BUD13: variants seen among roughly 807,000 people sequenced by gnomAD.
BUD13 encodes the protein BUD13 homolog.
In BUD13, 47 loss-of-function variants were observed where a neutral mutation model predicts 62.5. That is an observed-to-expected ratio of 0.75 (90% CI 0.60 to 0.96). BUD13 has a LOEUF of 0.96. Among genes scored for constraint, BUD13 ranks in the 40% least tolerant of loss-of-function variants. BUD13 has a pLI of 0.00. For missense variants in BUD13, 821 were observed against 790.9 expected (o/e 1.04, Z -0.46); for synonymous variants, 293 against 280.1 (o/e 1.05, Z -0.46).
At position 116,753,022 on chromosome 11, in the gene BUD13, C is replaced by T. The variant is rs1053258602; in HGVS notation, c.1766+4124G>A. Reference sequence around the variant, plus strand: ...AGATTCTAGACATTGCAGAGTAACCCGAACAGACTAACCTATCCTCAGTTA... The same window carrying T: ...AGATTCTAGACATTGCAGAGTAACCTGAACAGACTAACCTATCCTCAGTTA... On this transcript the variant is annotated intron_variant, in intron 9 of 9. Transcript: ENST00000260210. Among the ~76,000 whole-genome samples the T allele has an allele frequency of 7.9e-5, 12 of 152,132 alleles. No homozygotes were observed. The South Asian group carries it at 1.5e-3, about 18-fold the overall frequency.
At chr11:116,758,175 G>A in intron 7 of BUD13, 94 bp downstream of exon 7, 2 of 1,546,778 alleles carry the variant, frequency 1.3e-6, no homozygotes, top group Middle Eastern at 1.7e-4. Flanking sequence ...TAACAGCTCT[G>A]AAGGCATAAT....
At chr11:116,766,223 G>C (rs1940527855) in intron 2 of BUD13, among the ~76,000 whole-genome samples, 1 of 152,182 alleles carries the variant, frequency 6.6e-6, no homozygotes, top group Admixed American at 6.5e-5. Context: ...ATAAATCCTA[G>C]TTACAGAGTA....
intron 6 of BUD13, 60 bp downstream of exon 6, chr11:116,759,013 TA>T: frequency 8.7e-7 from 1 of 1,155,896 alleles, no homozygotes. Flanking sequence ...TACAATAAGC[TA>T]AATTAAAAAA....
Position 116,757,814 on chromosome 11 carries a change from C to A in BUD13, c.1636G>T (p.Ala546Ser). 1 of 1,614,030 alleles carries A rather than the reference C, an allele frequency of 6.2e-7. No homozygotes were observed. Among genetic ancestry groups the A allele is most frequent in the Non-Finnish European group, 8.5e-7 (1 of 1,179,982 alleles). ...REQEREGDPMANFIKKNKAKE... is the reference protein window; with the variant it reads ...REQEREGDPMSNFIKKNKAKE... ...GCCTTATTCTTCTTGATGAAGTTGG[C>A]CATAGGGTCCCCCTCTCTTTCCTGT... The change falls in exon 8 of 10, where the codon GCC becomes TCC. Residue 546 changes from alanine (A) to serine (S), a missense_variant. By Grantham distance (99) the Ala-to-Ser change is moderately conservative (BLOSUM62 1). Coordinates refer to ENST00000260210, the MANE Select transcript of BUD13 (RefSeq NM_032725.4).
intron 1 of BUD13, 36 bp from the exon 2 acceptor site, chr11:116,770,258 T>C: frequency 6.5e-7 from 1 of 1,545,460 alleles, no homozygotes; most frequent in Non-Finnish European, 8.8e-7. Context: ...AGAGTCATTC[T>C]AGGATACCAG....
chr11:116,763,381 G>C (rs1252930315), intron 3 of BUD13, 115 bp from the exon 4 acceptor site: 4 of 895,926 alleles, frequency 4.5e-6, no homozygotes, highest in Admixed American at 3.2e-5. Context: ...TGCTCAGAAA[G>C]CCCAAAAGGC....
chr11:116,758,539 C>A, intron 6 of BUD13, 132 bp from the exon 7 acceptor site: 7 of 806,330 alleles, frequency 8.7e-6, no homozygotes, highest in Non-Finnish European at 1.3e-5. Context: ...TTCCTACCAA[C>A]ATCTTGGTGC....
chr11:116,750,269 T>C (rs1461171354), intron 9 of BUD13, among the ~76,000 whole-genome samples: 1 of 151,818 alleles, frequency 6.6e-6, no homozygotes. Flanking sequence ...GAACCAGGAG[T>C]AGGGTGTCAT....
At chr11:116,759,648 G>C (rs1327463975) in intron 5 of BUD13, among the ~76,000 whole-genome samples, 1 of 152,138 alleles carries the variant, frequency 6.6e-6, no homozygotes, top group Non-Finnish European at 1.5e-5. Flanking sequence ...TTTCCACTTA[G>C]CATCAAGATA....
At chr11:116,768,304 C>G (rs1940566643) in intron 2 of BUD13, among the ~76,000 whole-genome samples, 1 of 152,002 alleles carries the variant, frequency 6.6e-6, no homozygotes, top group African/African-American at 2.4e-5. Flanking sequence ...AAAAATCATA[C>G]ACTCAAAGAA....
At position 116,772,778 on chromosome 11, in the gene BUD13, G is replaced by A. The variant is rs369997328; in HGVS notation, c.143+44C>T. The A allele has an allele frequency of 9.2e-4, 1,354 of 1,478,498 alleles. 1 individual carries two copies. Among genetic ancestry groups the A allele is most frequent in the Non-Finnish European group, 1.2e-3 (1,314 of 1,116,392 alleles). 91.6% of individuals were successfully genotyped at this position (1,478,498 alleles called of 1,614,324 possible). Reference sequence around the variant, plus strand: ...CGGCCGAGGGCGGAGTTGGGAAGGGGTGGCTAGACGTCGCAGGCCCCGCCC... The same window carrying A: ...CGGCCGAGGGCGGAGTTGGGAAGGGATGGCTAGACGTCGCAGGCCCCGCCC... On this transcript the variant is annotated intron_variant, in intron 1 of 9. Transcript: ENST00000260210.
chr11:116,763,131 C>T lies in BUD13; in HGVS notation c.458G>A (p.Arg153Lys). The stretch of plus-strand genomic sequence containing the variant: ...ATCCGGGGTGTCATGACGGGCCCTC[C>T]TAGGAGATGGATCCGGGGTGTCATG... ...DRHDTPDPSP[R>K]RARHDTPDPS... The change falls in exon 4 of 10, where the codon AGG (arginine) becomes AAG (lysine). Residue 153 changes from arginine (R) to lysine (K), a missense_variant. Transcript: ENST00000260210. 1 of 1,597,080 alleles carries T rather than the reference C, an allele frequency of 6.3e-7. No individual in the cohort carries two copies.
At chr11:116,753,426 A>T (rs1260267019) in intron 9 of BUD13, among the ~76,000 whole-genome samples, 3 of 152,228 alleles carry the variant, frequency 2.0e-5, no homozygotes, top group African/African-American at 7.2e-5. Flanking sequence ...CTGAGCAAAG[A>T]TTGTAGCTGC....
chr11:116,755,368 G>C (rs1315389662), intron 9 of BUD13, among the ~76,000 whole-genome samples: 1 of 152,086 alleles, frequency 6.6e-6, no homozygotes, highest in African/African-American at 2.4e-5. Flanking sequence ...ACATTTGGAA[G>C]GTCTGAACAA....
chr11:116,757,111 G>A (rs771203275), intron 9 of BUD13, 35 bp downstream of exon 9: 9 of 1,594,376 alleles, frequency 5.6e-6, no homozygotes, highest in Middle Eastern at 1.7e-4. Context: ...GAAGGTTACA[G>A]TCAGGTAGAA....
rs745380297 is a variant in BUD13, at chr11:116,757,816, A to G, written c.1634T>C (p.Met545Thr). The change falls in exon 8 of 10, where the codon ATG (methionine) becomes ACG (threonine). Residue 545 changes from methionine (M) to threonine (T), a missense_variant. Transcript: ENST00000260210. ...CTTATTCTTCTTGATGAAGTTGGCC[A>G]TAGGGTCCCCCTCTCTTTCCTGTTC... ...LREQEREGDPMANFIKKNKAK... is the reference protein window; with the variant it reads ...LREQEREGDPTANFIKKNKAK... 6.2e-7 allele frequency: 1 copy of G among 1,614,092 alleles called. No homozygotes were observed. Among genetic ancestry groups the G allele is most frequent in the Non-Finnish European group, 8.5e-7 (1 of 1,180,004 alleles).
At chr11:116,756,988 G>C (rs976836548) in intron 9 of BUD13, among the ~76,000 whole-genome samples, 158 bp downstream of exon 9, 1 of 152,236 alleles carries the variant, frequency 6.6e-6, no homozygotes, top group Admixed American at 6.5e-5. Context: ...TTCCAAGCAT[G>C]AGAAATAGGA....
At position 116,762,933 on chromosome 11, in the gene BUD13, CG is replaced by C. The variant is rs1204918033; in HGVS notation, c.655del (p.Arg219ValfsTer214). ...NSSGASPRRV[R>X]HDSPDPSPPR... ...AGGAGAGGGATCTGGTGAATCATGA[CG>C]GACTCTCCTAGGAGATGCACCTGAA... On this transcript the variant is annotated frameshift_variant, in exon 4 of 10. Transcript: ENST00000260210. LOFTEE classifies it high-confidence loss of function. 1 of 1,614,000 alleles carries C rather than the reference CG, an allele frequency of 6.2e-7. No homozygotes were observed. The highest frequency in any genetic ancestry group is 2.2e-5 in the East Asian group (1 of 44,872).
rs1185720299 is a variant in BUD13, at chr11:116,748,697, T to C, written c.1767-122A>G. Reference sequence around the variant, plus strand: ...AAAGTAAGGAGTCATATGAAAATATTTTAGGCATGGCCGGGCACGGCGGCT... The same window carrying C: ...AAAGTAAGGAGTCATATGAAAATATCTTAGGCATGGCCGGGCACGGCGGCT... On this transcript the variant is annotated intron_variant, in intron 9 of 9. Coordinates refer to ENST00000260210, the MANE Select transcript of BUD13 (RefSeq NM_032725.4). The C allele has an allele frequency of 3.7e-6, 4 of 1,081,204 alleles. No individual in the cohort carries two copies. The African/African-American group carries it at 4.7e-5, about 13-fold the overall frequency. 67.0% of individuals were successfully genotyped at this position (1,081,204 alleles called of 1,614,324 possible).
Sources: gnomAD v4.1 joint callset for allele counts (sites outside exome capture counted in the v4.1 genomes callset) on GRCh38, gnomAD v4.1.1 for gene constraint, MANE v1.5 for transcripts, NCBI Gene and HGNC (gene_info 2026-07-23, HGNC 2026-07-21) for gene names.